TMEM132D: variants seen among roughly 807,000 people sequenced by gnomAD.
The protein encoded by TMEM132D is transmembrane protein 132D.
TMEM132D carries 21 observed loss-of-function variants against 62.3 expected under a neutral mutation model. The observed-to-expected ratio is 0.34, with a 90% CI of 0.24 to 0.49. TMEM132D has a LOEUF of 0.49. TMEM132D is among the 20% of genes least tolerant of loss of function. The probability of loss-of-function intolerance (pLI) is 0.99; values close to 1 mark genes in which losing one functional copy is unlikely to be tolerated. For missense variants in TMEM132D, 1,346 were observed against 1,402.8 expected (o/e 0.96, Z 0.65); for synonymous variants, 621 against 575.6 (o/e 1.08, Z -1.13).
At chr12:129,229,043 C>T (rs944060756) in intron 4 of TMEM132D, among the ~76,000 whole-genome samples, 5 of 152,270 alleles carry the variant, frequency 3.3e-5, no homozygotes, top group South Asian at 2.1e-4. Flanking sequence ...CAGGATTCTC[C>T]GGGAGGGTCT....
intron 2 of TMEM132D, among the ~76,000 whole-genome samples, chr12:129,615,129 CACAA>C (rs1230046128): frequency 2.0e-5 from 3 of 152,132 alleles, no homozygotes; most frequent in Non-Finnish European, 4.4e-5. Context: ...TGTCACAGGG[CACAA>C]ACACAGAACA....
intron 2 of TMEM132D, among the ~76,000 whole-genome samples, chr12:129,654,885 C>T (rs1880030640): frequency 1.3e-5 from 2 of 152,222 alleles, no homozygotes; most frequent in South Asian, 2.1e-4. Flanking sequence ...CAAACGAACA[C>T]ATTTTCATCC....
intron 1 of TMEM132D, among the ~76,000 whole-genome samples, chr12:129,715,859 C>T (rs1178246593): frequency 2.0e-5 from 3 of 152,176 alleles, no homozygotes; most frequent in African/African-American, 7.2e-5. Flanking sequence ...CGCTAGGAGT[C>T]TCACTGAGCT....
At chr12:129,561,468 A>G (rs926258566) in intron 2 of TMEM132D, among the ~76,000 whole-genome samples, 2 of 152,218 alleles carry the variant, frequency 1.3e-5, no homozygotes, top group Non-Finnish European at 2.9e-5. Context: ...GAGTTTCTTC[A>G]TGTCACACTA....
intron 5 of TMEM132D, among the ~76,000 whole-genome samples, chr12:129,154,135 C>T (rs952405893): frequency 2.6e-5 from 4 of 152,142 alleles, no homozygotes; most frequent in Non-Finnish European, 5.9e-5. Context: ...GTCCCACAGA[C>T]CTCATTTGGA....
At chr12:129,692,495 C>A (rs1881085364) in intron 2 of TMEM132D, among the ~76,000 whole-genome samples, 1 of 151,482 alleles carries the variant, frequency 6.6e-6, no homozygotes, top group Non-Finnish European at 1.5e-5. Context: ...TGGGTATATA[C>A]CCAAAGGAAT....
intron 4 of TMEM132D, among the ~76,000 whole-genome samples, chr12:129,267,716 G>A (rs145996450): frequency 0.24 from 36,173 of 152,058 alleles, 4,442 homozygotes; most frequent in Middle Eastern, 0.29. Flanking sequence ...AAAAGAGCCC[G>A]CATTGCCAAG....
At chr12:129,176,612 C>G (rs1009952781) in intron 5 of TMEM132D, among the ~76,000 whole-genome samples, 10 of 152,230 alleles carry the variant, frequency 6.6e-5, no homozygotes, top group Non-Finnish European at 1.3e-4. Context: ...TGATGGCTCT[C>G]GCTACCACAC....
At chr12:129,476,812 C>G (rs563889529) in intron 3 of TMEM132D, among the ~76,000 whole-genome samples, 1 of 152,326 alleles carries the variant, frequency 6.6e-6, no homozygotes, top group Non-Finnish European at 1.5e-5. Flanking sequence ...AAAGCTTAAT[C>G]TCGCTTCAAT....
chr12:129,373,864 C>G (rs1440523735), intron 3 of TMEM132D, among the ~76,000 whole-genome samples: 1 of 152,146 alleles, frequency 6.6e-6, no homozygotes, highest in Non-Finnish European at 1.5e-5. Flanking sequence ...TTTGGAAAAA[C>G]TGATTATCAT....
intron 4 of TMEM132D, among the ~76,000 whole-genome samples, chr12:129,254,610 T>C (rs931035190): frequency 6.6e-6 from 1 of 152,120 alleles, no homozygotes; most frequent in African/African-American, 2.4e-5. Context: ...ACGCCGTGCT[T>C]TGGGACATGC....
chr12:129,642,111 G>A (rs1879654717), intron 2 of TMEM132D, among the ~76,000 whole-genome samples: 1 of 152,112 alleles, frequency 6.6e-6, no homozygotes. Context: ...ACACGACCCA[G>A]GATTAATTGA....
chr12:129,530,990 G>GGAAAA (rs778001774), intron 3 of TMEM132D, 69 bp downstream of exon 3: 3 of 1,268,392 alleles, frequency 2.4e-6, no homozygotes, highest in East Asian at 2.6e-5. Flanking sequence ...AGCAATCTAG[G>GGAAAA]AAAAAAAAAA....
intron 3 of TMEM132D, 116 bp downstream of exon 3, chr12:129,530,941 GAC>G: frequency 9.0e-7 from 1 of 1,106,220 alleles, no homozygotes; most frequent in East Asian, 2.4e-5. Flanking sequence ...TAGAATAGAC[GAC>G]ACACACCAAA....
rs150780864 is a variant in TMEM132D, at chr12:129,611,572, C to T, written c.969-80367G>A. On this transcript the variant is annotated intron_variant, in intron 2 of 8. Coordinates refer to ENST00000422113, the MANE Select transcript of TMEM132D (RefSeq NM_133448.3). ...CTTTTTCACTTAGAAGTCCAATGGA[C>T]GTTGACTGGGGCTCTCCTCCATCCA... Among the ~76,000 whole-genome samples, 171 of 152,266 alleles carry T rather than the reference C, an allele frequency of 1.1e-3. 1 individual carries two copies. The highest frequency in any genetic ancestry group is 3.7e-3 in the African/African-American group (153 of 41,552).
Position 129,084,248 on chromosome 12 carries a change from T to C in TMEM132D, c.1649+249A>G, listed in dbSNP as rs528356197. On this transcript the variant is annotated intron_variant, in intron 6 of 8. Coordinates refer to ENST00000422113, the MANE Select transcript of TMEM132D (RefSeq NM_133448.3). ...AGGATAAGACTTAAATTCAGGACTT[T>C]GCTGGAACTAGTGGGAAGGAGAGGA... 3.3e-5 allele frequency among the ~76,000 whole-genome samples: 5 copies of C among 152,234 alleles called. No homozygotes were observed. In the East Asian group the frequency reaches 9.7e-4, roughly 29 times the overall value.
At chr12:129,500,858 T>C (rs913725869) in intron 3 of TMEM132D, among the ~76,000 whole-genome samples, 1 of 152,212 alleles carries the variant, frequency 6.6e-6, no homozygotes, top group Non-Finnish European at 1.5e-5. Context: ...CCTTTGTAGG[T>C]ACCTGATAAA....
intron 5 of TMEM132D, among the ~76,000 whole-genome samples, chr12:129,201,772 G>A (rs1008733747): frequency 2.0e-5 from 3 of 152,130 alleles, no homozygotes; most frequent in Non-Finnish European, 2.9e-5. Flanking sequence ...ATTGGGGGTA[G>A]GGGGAGAAAG....
intron 5 of TMEM132D, among the ~76,000 whole-genome samples, chr12:129,156,828 G>C (rs1344177494): frequency 6.6e-6 from 1 of 151,718 alleles, no homozygotes; most frequent in East Asian, 2.0e-4. Flanking sequence ...CCACTCTCAA[G>C]ATAACTAACC....
Sources: allele counts gnomAD v4.1 joint callset (sites outside exome capture counted in the v4.1 genomes callset), GRCh38; gene constraint gnomAD v4.1.1; transcripts MANE v1.5; gene names NCBI Gene and HGNC (gene_info 2026-07-23, HGNC 2026-07-21).